The following FREM1 variants were observed in gnomAD, a reference collection of about 807,000 sequenced individuals.
FREM1 encodes FRAS1 related extracellular matrix 1.
FREM1 carries 220 observed loss-of-function variants against 210.1 expected under a neutral mutation model. The observed-to-expected ratio is 1.05, with a 90% CI of 0.94 to 1.17. The LOEUF (loss-of-function observed/expected upper bound fraction) is 1.17. FREM1 is among the 50% of genes most tolerant of loss of function. FREM1 has a pLI of 0.00. For synonymous variants in FREM1, 1,189 were observed against 980.2 expected, an observed-to-expected ratio of 1.21 and a Z score of -3.98; for missense variants, 3,454 against 2,675.5, an observed-to-expected ratio of 1.29 and a Z score of -6.42.
chr9:14,809,591 C>A (rs1819019978), intron 16 of FREM1, among the ~76,000 whole-genome samples: 1 of 152,194 alleles, frequency 6.6e-6, no homozygotes. Flanking sequence ...AATCAGCCGT[C>A]AATGTGAGAA....
chr9:14,860,754 T>TATATACAC (rs1209659326), intron 3 of FREM1, among the ~76,000 whole-genome samples: 1 of 113,752 alleles, frequency 8.8e-6, no homozygotes, highest in African/African-American at 4.1e-5. Flanking sequence ...TATATGCACA[T>TATATACAC]ATATATGCAC....
At chr9:14,858,955 C>T (rs1042574549) in intron 4 of FREM1, among the ~76,000 whole-genome samples, 20 of 152,150 alleles carry the variant, frequency 1.3e-4, no homozygotes, top group Non-Finnish European at 2.6e-4. Context: ...TTTAGAGAGG[C>T]TTAGACAGGT....
At chr9:14,769,357 T>C (rs1158715800) in intron 27 of FREM1, among the ~76,000 whole-genome samples, 2 of 152,210 alleles carry the variant, frequency 1.3e-5, no homozygotes, top group Non-Finnish European at 2.9e-5. Context: ...CTATAGTTGC[T>C]AACACGGTCC....
At chr9:14,899,609 A>G (rs1223325935) in intron 1 of FREM1, among the ~76,000 whole-genome samples, 1 of 152,234 alleles carries the variant, frequency 6.6e-6, no homozygotes, top group Middle Eastern at 3.2e-3. Context: ...AGTAAGTCAG[A>G]GAAACATTTT....
intron 16 of FREM1, among the ~76,000 whole-genome samples, chr9:14,811,278 C>T (rs1197858809): frequency 6.6e-6 from 1 of 152,184 alleles, no homozygotes; most frequent in Non-Finnish European, 1.5e-5. Context: ...CCGTCTATGG[C>T]TGCTACACTA....
chr9:14,772,837 C>G (rs141366076), intron 25 of FREM1, among the ~76,000 whole-genome samples: 216 of 152,214 alleles, frequency 1.4e-3, no homozygotes, highest in Middle Eastern at 0.01. Context: ...AGAGTTGATA[C>G]TAAATGAATA....
rs1064797351 is a variant in FREM1 at position 14,759,902 on chromosome 9, C to A, written c.5205-1G>T. ...AATATGAGACCACTTCAGTTCCAAA[C>A]TGTGTGTGAAAGGAAAAGAGAAATC... On this transcript the variant is annotated splice_acceptor_variant, in intron 27 of 36. Coordinates refer to ENST00000380880, the MANE Select transcript of FREM1 (RefSeq NM_001379081.2). LOFTEE classifies it high-confidence loss of function. 2 of 1,607,922 alleles carry A rather than the reference C, an allele frequency of 1.2e-6. No individual in the cohort carries two copies. The highest frequency in any genetic ancestry group is 1.7e-6 in the Non-Finnish European group (2 of 1,176,650).
In FREM1 at chr9:14,851,424, T is replaced by C. The variant is rs1308918163; in HGVS notation, c.1012A>G (p.Lys338Glu). The C allele has an allele frequency of 6.2e-7, 1 of 1,613,820 alleles. No homozygotes were observed. The highest frequency in any genetic ancestry group is 8.5e-7 in the Non-Finnish European group (1 of 1,179,884). Reference sequence around the variant, plus strand: ...GTCACATAGCCCTGGAGCGGGGCTTTAGTAATGTTGAACACCAGCAAGGGT... The same window carrying C: ...GTCACATAGCCCTGGAGCGGGGCTTCAGTAATGTTGAACACCAGCAAGGGT... ...PKPLLVFNIT[K>E]APLQGYVTHL... The change falls in exon 6 of 37, where the codon AAA becomes GAA. Residue 338 changes from lysine to glutamate, a missense_variant. Lys to Glu is a moderately conservative substitution (Grantham distance 56). Coordinates refer to ENST00000380880, the MANE Select transcript of FREM1 (RefSeq NM_001379081.2).
intron 3 of FREM1, among the ~76,000 whole-genome samples, chr9:14,860,662 TACATATATAC>T (rs1564099992): frequency 7.5e-6 from 1 of 133,232 alleles, no homozygotes; most frequent in Non-Finnish European, 1.5e-5. Context: ...TACACATATA[TACATATATAC>T]ACACATATAT....
chr9:14,828,649 A>G (rs1389740), intron 10 of FREM1, among the ~76,000 whole-genome samples: 26,446 of 88,620 alleles, frequency 0.3, 5,000 homozygotes, highest in East Asian at 0.46. Flanking sequence ...GGGGCGGGGG[A>G]GGTGCCGGGG....
chr9:14,906,948 C>T (rs1290383319), intron 1 of FREM1, among the ~76,000 whole-genome samples: 1 of 152,154 alleles, frequency 6.6e-6, no homozygotes, highest in Non-Finnish European at 1.5e-5. Flanking sequence ...AAGTGACATG[C>T]AATCTTAGCA....
chr9:14,863,804 CT>C lies in FREM1; in HGVS notation c.329+4del. 1 of 1,589,802 alleles carries C rather than the reference CT, an allele frequency of 6.3e-7. No individual in the cohort carries two copies. The highest frequency in any genetic ancestry group is 8.6e-7 in the Non-Finnish European group (1 of 1,158,156). The stretch of plus-strand genomic sequence containing the variant: ...GCAAATGAGCGATGTTCCCGTGCCG[CT>C]TACCTGTAAAGTCTGAGCTTCACTG... On this transcript the variant is annotated splice_donor_region_variant and intron_variant, in intron 3 of 36. Coordinates refer to ENST00000380880, the MANE Select transcript of FREM1 (RefSeq NM_001379081.2).
At chr9:14,900,857 T>C (rs1429792019) in intron 1 of FREM1, among the ~76,000 whole-genome samples, 2 of 152,222 alleles carry the variant, frequency 1.3e-5, no homozygotes, top group Non-Finnish European at 2.9e-5. Context: ...TGGGATTCTT[T>C]GGTAGGAGGA....
chr9:14,852,377 A>G (rs558636799), intron 5 of FREM1, among the ~76,000 whole-genome samples: 1 of 152,162 alleles, frequency 6.6e-6, no homozygotes, highest in South Asian at 2.1e-4. Flanking sequence ...GATCTCAACA[A>G]GTGCTATGGG....
chr9:14,759,651 G>T, intron 28 of FREM1, 121 bp downstream of exon 28: 1 of 854,696 alleles, frequency 1.2e-6, no homozygotes. Context: ...CAGAATAGTG[G>T]GATCTCCCTG....
intron 1 of FREM1, among the ~76,000 whole-genome samples, chr9:14,874,645 T>C (rs1213384977): frequency 1.3e-5 from 2 of 152,010 alleles, no homozygotes; most frequent in African/African-American, 2.4e-5. Context: ...TGTCTTTTAA[T>C]TGGAGCATTT....
chr9:14,759,641 C>T, intron 28 of FREM1, 131 bp downstream of exon 28: 1 of 754,922 alleles, frequency 1.3e-6, no homozygotes, highest in East Asian at 2.8e-5. Flanking sequence ...TTAGAATCCT[C>T]AGAATAGTGG....
intron 23 of FREM1, among the ~76,000 whole-genome samples, chr9:14,788,038 T>C (rs939354631): frequency 6.7e-6 from 1 of 150,308 alleles, no homozygotes; most frequent in African/African-American, 2.4e-5. Flanking sequence ...TAAAGCAAGA[T>C]TTTTTTTTTA....
chr9:14,805,251 A>G lies in FREM1; in HGVS notation c.3275-99T>C, dbSNP rs566345439. ...CAATAATAGTCAATTTCTCAGTAAT[A>G]CAAATAAGAGATCATAGCAGTTGAC... On this transcript the variant is annotated intron_variant, in intron 18 of 36. Coordinates refer to ENST00000380880, the MANE Select transcript of FREM1 (RefSeq NM_001379081.2). 7.2e-4 allele frequency: 458 copies of G among 632,262 alleles called. 3 individuals carry two copies. The South Asian group carries it at 0.016, about 21-fold the overall frequency. 39.2% of individuals were successfully genotyped at this position (632,262 alleles called of 1,614,324 possible). A position where few individuals can be genotyped will look rare whatever the true frequency, so the allele number is the denominator to read the frequency against.
Sources: allele counts gnomAD v4.1 joint callset (sites outside exome capture counted in the v4.1 genomes callset), GRCh38; gene constraint gnomAD v4.1.1; transcripts MANE v1.5; gene names NCBI Gene and HGNC (gene_info 2026-07-23, HGNC 2026-07-21).